Variants in NTM observed in about 807,000 individuals in gnomAD.
NTM encodes the protein neurotrimin.
A neutral mutation model predicts 42.1 loss-of-function variants in NTM; 13 were observed. The ratio of observed to expected loss-of-function variants is 0.31; its 90% CI spans 0.20 to 0.49. The LOEUF is 0.49. Ranked by LOEUF, NTM falls within the 20% of genes least tolerant of loss-of-function variation. The pLI, the probability that NTM is intolerant of heterozygous loss-of-function variation, is 0.99. For synonymous variants in NTM, 187 were observed against 179.2 expected (o/e 1.04, Z -0.35); for missense variants, 373 against 452.8 (o/e 0.82, Z 1.60).
intron 1 of NTM, among the ~76,000 whole-genome samples, chr11:131,656,590 T>G (rs979452525): frequency 1.8e-4 from 28 of 152,296 alleles, no homozygotes; most frequent in African/African-American, 6.7e-4. Context: ...GATATACTGC[T>G]GCAGGTCACA....
chr11:132,243,539 C>T (rs1409371806), intron 4 of NTM, among the ~76,000 whole-genome samples: 2 of 152,116 alleles, frequency 1.3e-5, no homozygotes, highest in Non-Finnish European at 2.9e-5. Context: ...CCCCAGGACA[C>T]AGTGGACATT....
intron 2 of NTM, among the ~76,000 whole-genome samples, chr11:131,932,492 G>A (rs1376277411): frequency 2.6e-5 from 4 of 152,098 alleles, no homozygotes; most frequent in African/African-American, 4.8e-5. Context: ...TTGGAAATAC[G>A]TTTTAGTGTC....
chr11:131,571,564 A>G (rs2057441276), intron 1 of NTM, among the ~76,000 whole-genome samples: 1 of 152,242 alleles, frequency 6.6e-6, no homozygotes, highest in Non-Finnish European at 1.5e-5. Context: ...AAACCAAAAC[A>G]TTTTAAAATA....
intron 1 of NTM, among the ~76,000 whole-genome samples, chr11:131,488,681 A>G (rs10791149): frequency 0.77 from 117,712 of 152,094 alleles, 46,241 homozygotes; most frequent in African/African-American, 0.91. Context: ...ATAGCAATTC[A>G]TGCCCTTCTT....
chr11:131,777,017 C>T (rs2087123014), intron 1 of NTM: 1 of 507,004 alleles, frequency 2.0e-6, no homozygotes, highest in Non-Finnish European at 2.5e-6. Context: ...GCATATACTA[C>T]AAAAGGTTGA....
chr11:132,321,082 A>G (rs2095557782), intron 7 of NTM, among the ~76,000 whole-genome samples: 1 of 151,800 alleles, frequency 6.6e-6, no homozygotes, highest in South Asian at 2.1e-4. Context: ...GGGAAAAAAC[A>G]GAACAGAAAA....
At chr11:131,392,640 C>T (rs1403473686) in intron 1 of NTM, among the ~76,000 whole-genome samples, 1 of 152,182 alleles carries the variant, frequency 6.6e-6, no homozygotes, top group Admixed American at 6.5e-5. Context: ...AGTTGATGGG[C>T]ACCTGCCTGA....
intron 2 of NTM, among the ~76,000 whole-genome samples, chr11:132,070,865 A>G (rs1275816493): frequency 7.9e-5 from 11 of 138,738 alleles, no homozygotes; most frequent in East Asian, 2.3e-4. Context: ...ATCACAGGTT[A>G]GTTAACACGT....
intron 1 of NTM, among the ~76,000 whole-genome samples, chr11:131,594,396 A>G (rs1268066770): frequency 6.6e-6 from 1 of 152,120 alleles, no homozygotes; most frequent in East Asian, 1.9e-4. Context: ...ACAAAAGGAA[A>G]GTTTACCAAT....
intron 1 of NTM, among the ~76,000 whole-genome samples, chr11:131,682,498 C>T (rs1252405234): frequency 6.6e-6 from 1 of 152,202 alleles, no homozygotes; most frequent in Non-Finnish European, 1.5e-5. Flanking sequence ...CATGCAGCTG[C>T]AGAGCTGGAG....
At chr11:131,674,548 G>C (rs139080689) in intron 1 of NTM, among the ~76,000 whole-genome samples, 15 of 152,262 alleles carry the variant, frequency 9.9e-5, no homozygotes, top group African/African-American at 3.4e-4. Context: ...GGTATCAGTC[G>C]GGCAAGCGAA....
At chr11:131,543,010 C>A (rs569166959) in intron 1 of NTM, among the ~76,000 whole-genome samples, 32 of 152,176 alleles carry the variant, frequency 2.1e-4, no homozygotes, top group Middle Eastern at 3.2e-3. Flanking sequence ...TTCCTCTGGA[C>A]GCCTTCCTTG....
intron 1 of NTM, among the ~76,000 whole-genome samples, chr11:131,455,960 T>C (rs1266718767): frequency 1.3e-5 from 2 of 152,232 alleles, no homozygotes; most frequent in African/African-American, 4.8e-5. Context: ...GGAAGTTTTA[T>C]AAAAAGGAGA....
At chr11:131,992,755 G>A (rs1034342124) in intron 2 of NTM, among the ~76,000 whole-genome samples, 1 of 152,136 alleles carries the variant, frequency 6.6e-6, no homozygotes, top group Admixed American at 6.5e-5. Flanking sequence ...TGGTTAGCTT[G>A]GGTCTGGTGC....
intron 2 of NTM, among the ~76,000 whole-genome samples, chr11:131,925,383 CTTTTTTTTTTT>C (rs61493262): frequency 9.0e-6 from 1 of 111,456 alleles, no homozygotes; most frequent in Non-Finnish European, 1.8e-5. Context: ...TTTCTTTTCT[CTTTTTTTTTTT>C]TTTTTTTTTT....
chr11:132,235,944 G>C (rs77948373), intron 4 of NTM, among the ~76,000 whole-genome samples: 3 of 151,440 alleles, frequency 2.0e-5, no homozygotes, highest in African/African-American at 4.9e-5. Flanking sequence ...AAATGCCTTC[G>C]ATTTGGTTTA....
Position 132,335,062 on chromosome 11 carries a change from C to A in NTM, c.984C>A (p.Ser328Arg). The change falls in exon 9 of 9, where the codon AGC becomes AGA. Residue 328 changes from serine (S) to arginine (R), a missense_variant. Physicochemically the swap from Ser to Arg is moderately radical, Grantham distance 110 (BLOSUM62 -1). Around this residue, in one of 3 missense-constraint regions of NTM, gnomAD observed 312 missense variants for 353.5 expected, o/e 0.88. Transcript: ENST00000683400. Reference protein sequence around the residue: ...LTPWKGPGAVSEVSNGTSRRA... With the variant: ...LTPWKGPGAVREVSNGTSRRA... ...TCTCCACAGGTCCAGGCGCCGTCAG[C>A]GAGGTGAGCAACGGCACGTCGAGGA... 6.2e-7 allele frequency: 1 copy of A among 1,612,284 alleles called. No individual in the cohort carries two copies. The highest frequency in any genetic ancestry group is 8.5e-7 in the Non-Finnish European group (1 of 1,179,932).
intron 2 of NTM, among the ~76,000 whole-genome samples, chr11:132,085,561 G>C (rs993430498): frequency 6.6e-6 from 1 of 152,204 alleles, no homozygotes; most frequent in African/African-American, 2.4e-5. Context: ...TAATCTTTAA[G>C]ACTGTTTTTA....
intron 3 of NTM, among the ~76,000 whole-genome samples, chr11:132,150,505 A>G (rs1446970391): frequency 6.6e-6 from 1 of 152,198 alleles, no homozygotes; most frequent in East Asian, 1.9e-4. Flanking sequence ...ATGGCTTTCC[A>G]TGGCTTGAAG....
Sources: gnomAD v4.1 joint callset for allele counts (sites outside exome capture counted in the v4.1 genomes callset) on GRCh38, gnomAD v4.1.1 for gene constraint, gnomAD v4.1.1 regional missense constraint, MANE v1.5 for transcripts, NCBI Gene and HGNC (gene_info 2026-07-23, HGNC 2026-07-21) for gene names.